Variants in NOX4 observed in about 807,000 individuals in gnomAD.
NOX4 encodes kidney oxidase-1.
A neutral mutation model predicts 87.6 loss-of-function variants in NOX4; 69 were observed. That is an observed-to-expected ratio of 0.79 (90% CI 0.65 to 0.96). The LOEUF is 0.96. Ranked by LOEUF, NOX4 falls within the 40% of genes least tolerant of loss-of-function variation. The pLI, the probability that NOX4 is intolerant of heterozygous loss-of-function variation, is 0.00. For missense variants in NOX4, 680 were observed against 681.5 expected (o/e 1.00, Z 0.02); for synonymous variants, 275 against 238.2 (o/e 1.15, Z -1.42).
chr11:89,538,318 G>T, the NOX4 span, among the ~76,000 whole-genome samples: 4 of 152,074 alleles, frequency 2.6e-5, no homozygotes, highest in Admixed American at 6.5e-5. Context: ...GCTATTGTTC[G>T]TGTCCTGAAT....
chr11:89,348,689 C>T (rs770915002), intron 13 of NOX4, among the ~76,000 whole-genome samples: 2 of 152,124 alleles, frequency 1.3e-5, no homozygotes, highest in African/African-American at 4.8e-5. Flanking sequence ...TGTGTGCTTG[C>T]ACATGCATGC....
Position 89,400,034 on chromosome 11 carries a change from G to T in NOX4, c.1057C>A (p.Pro353Thr). Residue 353 changes from proline (P) to threonine (T), a missense_variant, in exon 11 of 18, where the codon CCA (proline) becomes ACA (threonine). Coordinates refer to ENST00000263317, the MANE Select transcript of NOX4 (RefSeq NM_016931.5). ...TTTCTTACCATTGTGAGGGTAAATG[G>T]ATGATTTTCTAATGCAGATACACTG... ...CPSVSALENH[P>T]FTLTMCPTET... is the part of the protein sequence containing the mutation. 6.2e-7 allele frequency: 1 copy of T among 1,608,062 alleles called. No homozygotes were observed. The highest frequency in any genetic ancestry group is 8.5e-7 in the Non-Finnish European group (1 of 1,175,518).
At chr11:89,496,629 AT>A (rs545536262), upstream of NOX4, among the ~76,000 whole-genome samples, 1 of 152,108 alleles carries the variant, frequency 6.6e-6, no homozygotes, top group Non-Finnish European at 1.5e-5. Flanking sequence ...GACTAGTCAA[AT>A]TTTGCTGCAA....
intron 11 of NOX4, among the ~76,000 whole-genome samples, chr11:89,374,374 GA>G (rs1444279118): frequency 6.6e-6 from 1 of 152,100 alleles, no homozygotes; most frequent in Admixed American, 6.6e-5. Context: ...AGTACGATAT[GA>G]AATATGCATA....
Position 89,335,865 on chromosome 11 carries a change from T to C in NOX4, c.1596A>G (p.Glu532=), listed in dbSNP as rs769607446. 5.6e-6 allele frequency: 9 copies of C among 1,594,800 alleles called. No homozygotes were observed. In the Admixed American group the frequency reaches 1.5e-4, roughly 27 times the overall value. ...CTTACCCTCTGTTATATTTTGCTAT[T>C]TCATCAAACAAAAGTTTCCACCGAG... ...GRPRWKLLFD[E]IAKYNRGKTV... is the part of the protein sequence containing the mutation. The change falls in exon 17 of 18, where the codon GAA becomes GAG. Residue 532 remains glutamate (E), a synonymous_variant. Transcript: ENST00000263317.
At chr11:89,411,738 G>A (rs1942488365) in intron 8 of NOX4, among the ~76,000 whole-genome samples, 1 of 151,940 alleles carries the variant, frequency 6.6e-6, no homozygotes, top group Non-Finnish European at 1.5e-5. Context: ...AAGGAAGACA[G>A]GATGGAAGGA....
chr11:89,517,544 T>C, the NOX4 span, among the ~76,000 whole-genome samples: 1 of 151,974 alleles, frequency 6.6e-6, no homozygotes, highest in African/African-American at 2.4e-5. Flanking sequence ...GGCATGATCA[T>C]AGCTCACTTC....
the NOX4 span, among the ~76,000 whole-genome samples, chr11:89,540,953 A>G: frequency 6.6e-6 from 1 of 151,764 alleles, no homozygotes; most frequent in African/African-American, 2.4e-5. Context: ...CTCTTAAGAC[A>G]CTAATAACAG....
intron 6 of NOX4, among the ~76,000 whole-genome samples, chr11:89,439,093 G>T (rs546909697): frequency 7.1e-5 from 10 of 141,570 alleles, no homozygotes; most frequent in Non-Finnish European, 1.2e-4. Context: ...GCCTTAATGT[G>T]ATAGCTTAGT....
chr11:89,450,096 A>G (rs1389252988), intron 3 of NOX4, among the ~76,000 whole-genome samples: 1 of 152,196 alleles, frequency 6.6e-6, no homozygotes, highest in Non-Finnish European at 1.5e-5. Context: ...ATCTTTAAGA[A>G]TGATTAAATA....
At chr11:89,587,947 G>C in the NOX4 span, among the ~76,000 whole-genome samples, 1 of 152,028 alleles carries the variant, frequency 6.6e-6, no homozygotes. Flanking sequence ...TTTTCTCATT[G>C]CAACACTTGC....
At chr11:89,359,557 G>C (rs1178726448) in intron 12 of NOX4, among the ~76,000 whole-genome samples, 1 of 151,818 alleles carries the variant, frequency 6.6e-6, no homozygotes, top group African/African-American at 2.4e-5. Flanking sequence ...AAAAACAAAA[G>C]TAACAATGAT....
intron 10 of NOX4, 45 bp downstream of exon 10, chr11:89,400,170 C>T: frequency 6.3e-7 from 1 of 1,588,902 alleles, no homozygotes; most frequent in Non-Finnish European, 8.6e-7. Flanking sequence ...CCAAAAATTA[C>T]ATAAGGATAA....
chr11:89,549,766 T>G, the NOX4 span, among the ~76,000 whole-genome samples: 2 of 152,220 alleles, frequency 1.3e-5, no homozygotes, highest in East Asian at 3.9e-4. Context: ...CTGGGTTAGT[T>G]TGCAGAGACT....
intron 2 of NOX4, among the ~76,000 whole-genome samples, chr11:89,468,235 A>T (rs1256162476): frequency 6.6e-6 from 1 of 152,146 alleles, no homozygotes; most frequent in Non-Finnish European, 1.5e-5. Flanking sequence ...TGTAACTTCC[A>T]CCCACAGAGC....
At chr11:89,553,750 A>G in the NOX4 span, among the ~76,000 whole-genome samples, 1 of 152,188 alleles carries the variant, frequency 6.6e-6, no homozygotes, top group Non-Finnish European at 1.5e-5. Flanking sequence ...CATATTATCA[A>G]GATAAATAAT....
At chr11:89,337,116 C>T (rs917438827) in intron 16 of NOX4, among the ~76,000 whole-genome samples, 6 of 151,906 alleles carry the variant, frequency 3.9e-5, no homozygotes, top group South Asian at 2.1e-4. Flanking sequence ...TAACTGTATA[C>T]GAACTCATCT....
the NOX4 span, among the ~76,000 whole-genome samples, chr11:89,531,347 G>C: frequency 6.6e-6 from 1 of 152,142 alleles, no homozygotes. Context: ...CTAAGCAACA[G>C]TGATTTTAAG....
intron 12 of NOX4, among the ~76,000 whole-genome samples, chr11:89,366,824 A>C (rs1256690908): frequency 2.0e-5 from 3 of 151,874 alleles, no homozygotes; most frequent in Non-Finnish European, 2.9e-5. Context: ...TGAATTCTTT[A>C]TTTACTAAGC....
Sources: gnomAD v4.1 joint callset for allele counts (sites outside exome capture counted in the v4.1 genomes callset) on GRCh38, gnomAD v4.1.1 for gene constraint, MANE v1.5 for transcripts, NCBI Gene and HGNC (gene_info 2026-07-23, HGNC 2026-07-21) for gene names.